RNF111: variants seen among roughly 807,000 people sequenced by gnomAD.
The protein encoded by RNF111 is ring finger protein 111.
A neutral mutation model predicts 95.1 loss-of-function variants in RNF111; 17 were observed. That is an observed-to-expected ratio of 0.18 (90% CI 0.12 to 0.27). The LOEUF (loss-of-function observed/expected upper bound fraction) is 0.27, where lower values mean the gene tolerates loss of function less well. RNF111 is among the 10% of genes least tolerant of loss of function. RNF111 has a pLI of 1.00. For synonymous variants in RNF111, 440 were observed against 414.8 expected (o/e 1.06, Z -0.74); for missense variants, 1,189 against 1,210.4 (o/e 0.98, Z 0.26).
intron 2 of RNF111, among the ~76,000 whole-genome samples, chr15:59,046,293 A>T (rs1166006033): frequency 6.6e-6 from 1 of 151,714 alleles, no homozygotes; most frequent in East Asian, 1.9e-4. Context: ...TCCAGGGCTA[A>T]GGTGATCCTC....
chr15:59,033,826 CATT>C (rs1289408987), intron 2 of RNF111, among the ~76,000 whole-genome samples: 2 of 151,974 alleles, frequency 1.3e-5, no homozygotes, highest in Admixed American at 1.3e-4. Context: ...TTTTTAACTA[CATT>C]ATTTTCAGAC....
At chr15:59,080,111 CTCCTT>C (rs2078692582) in intron 7 of RNF111, among the ~76,000 whole-genome samples, 1 of 141,690 alleles carries the variant, frequency 7.1e-6, no homozygotes, top group Admixed American at 7.4e-5. Context: ...TTCTTGTGTG[CTCCTT>C]TTTTTTTTTT....
intron 1 of RNF111, among the ~76,000 whole-genome samples, chr15:58,992,449 G>A (rs1194364166): frequency 6.6e-6 from 1 of 152,168 alleles, no homozygotes; most frequent in East Asian, 1.9e-4. Flanking sequence ...TTGTTGGGTT[G>A]GGGTGATGGG....
chr15:59,042,221 C>T (rs572285109), intron 2 of RNF111, among the ~76,000 whole-genome samples: 19 of 152,014 alleles, frequency 1.2e-4, no homozygotes, highest in African/African-American at 2.9e-4. Flanking sequence ...CAGCCTCCCA[C>T]GCTTAAGCAA....
intron 5 of RNF111, among the ~76,000 whole-genome samples, chr15:59,060,950 C>T (rs1268901025): frequency 4.0e-5 from 6 of 151,836 alleles, no homozygotes; most frequent in African/African-American, 7.3e-5. Flanking sequence ...CCACCACGTC[C>T]GGCTAATTTT....
intron 5 of RNF111, 128 bp from the exon 6 acceptor site, chr15:59,066,636 C>A (rs1163015789): frequency 1.3e-6 from 1 of 784,586 alleles, no homozygotes; most frequent in Non-Finnish European, 2.0e-6. Context: ...GGCACTATCA[C>A]ATTATTTACA....
chr15:59,003,942 C>G (rs1221128162), intron 1 of RNF111: 1 of 161,690 alleles, frequency 6.2e-6, no homozygotes, highest in African/African-American at 2.4e-5. Flanking sequence ...TATTAATAAG[C>G]TACTGTAAAA....
chr15:59,008,655 A>G lies in RNF111; in HGVS notation c.-20+20587A>G, dbSNP rs569360267. On this transcript the variant is annotated intron_variant, in intron 1 of 13. Transcript: ENST00000348370. ...CACCAATAGCCCCAGTGTTGATACA[A>G]TTGGATTTAAATCTGTCAGTTTGCT... Among the ~76,000 whole-genome samples, 12 of 152,292 alleles carry G rather than the reference A, an allele frequency of 7.9e-5. No homozygotes were observed. The South Asian group carries it at 1.2e-3, about 16-fold the overall frequency.
At chr15:59,025,764 CTT>C (rs1338558177) in intron 1 of RNF111, among the ~76,000 whole-genome samples, 2 of 149,980 alleles carry the variant, frequency 1.3e-5, no homozygotes, top group African/African-American at 2.4e-5. Flanking sequence ...GAATTTTGCT[CTT>C]GTCTCCCAGG....
chr15:59,069,293 A>G (rs1464090123), intron 6 of RNF111, among the ~76,000 whole-genome samples: 1 of 152,190 alleles, frequency 6.6e-6, no homozygotes, highest in Non-Finnish European at 1.5e-5. Flanking sequence ...GAATGAAAGG[A>G]TCTGCTTGGA....
intron 2 of RNF111, among the ~76,000 whole-genome samples, chr15:59,048,664 C>G (rs868065709): frequency 4.6e-5 from 7 of 152,052 alleles, no homozygotes; most frequent in Non-Finnish European, 7.4e-5. Flanking sequence ...TTTGTATTGA[C>G]AGGTGATAGT....
intron 4 of RNF111, 38 bp downstream of exon 4, chr15:59,055,883 A>C: frequency 2.6e-6 from 4 of 1,524,764 alleles, no homozygotes; most frequent in Non-Finnish European, 2.7e-6. Context: ...TTATGAAAGG[A>C]GTTTGATAAA....
chr15:59,068,709 C>G (rs192865346), intron 6 of RNF111, among the ~76,000 whole-genome samples: 5 of 152,008 alleles, frequency 3.3e-5, no homozygotes, highest in Non-Finnish European at 5.9e-5. Flanking sequence ...TCTATGTCAC[C>G]CGACCTTTCC....
At chr15:59,081,939 C>A (rs1265766671) in intron 8 of RNF111, among the ~76,000 whole-genome samples, 1 of 152,120 alleles carries the variant, frequency 6.6e-6, no homozygotes, top group Admixed American at 6.5e-5. Context: ...ATGAAAGGAT[C>A]GTCTGAGCCC....
chr15:59,082,099 AACTAT>A (rs1258864761), intron 8 of RNF111, among the ~76,000 whole-genome samples: 1 of 152,220 alleles, frequency 6.6e-6, no homozygotes, highest in Non-Finnish European at 1.5e-5. Flanking sequence ...CCAAAAAAGT[AACTAT>A]ACTAAATCCT....
At position 59,031,435 on chromosome 15, in the gene RNF111, A is replaced by T. The variant is rs761680125; in HGVS notation, c.613A>T (p.Ser205Cys). Residue 205 changes from serine to cysteine, a missense_variant, in exon 2 of 14, where the codon AGT becomes TGT. Ser to Cys is a moderately radical substitution (Grantham distance 112). Transcript: ENST00000348370. The part of the protein sequence containing the change: ...LLMKRPCLHG[S>C]SLRRLPCRKR... Reference sequence around the variant, plus strand: ...AATGAAAAGACCCTGTTTACATGGCAGTTCGTTACGGAGACTTCCATGCAG... The same window carrying T: ...AATGAAAAGACCCTGTTTACATGGCTGTTCGTTACGGAGACTTCCATGCAG... 6.2e-7 allele frequency: 1 copy of T among 1,614,240 alleles called. No individual in the cohort carries two copies. The highest frequency in any genetic ancestry group is 8.5e-7 in the Non-Finnish European group (1 of 1,180,042).
chr15:59,077,536 ACTT>A (rs1653761621), intron 7 of RNF111, among the ~76,000 whole-genome samples: 3 of 152,272 alleles, frequency 2.0e-5, no homozygotes, highest in East Asian at 3.9e-4. Flanking sequence ...AACATATTCT[ACTT>A]CTTGTTTTTT....
chr15:59,053,044 C>G (rs1402336357), intron 3 of RNF111, among the ~76,000 whole-genome samples: 1 of 152,100 alleles, frequency 6.6e-6, no homozygotes, highest in Admixed American at 6.6e-5. Context: ...ATAGCCCTTT[C>G]TGTTAGAATC....
At chr15:59,086,309 G>A (rs920682736) in intron 10 of RNF111, among the ~76,000 whole-genome samples, 6 of 151,898 alleles carry the variant, frequency 4.0e-5, no homozygotes, top group Admixed American at 2.6e-4. Flanking sequence ...TAATAGAGAT[G>A]GGGTTTCACC....
Sources: allele counts gnomAD v4.1 joint callset (sites outside exome capture counted in the v4.1 genomes callset), GRCh38; gene constraint gnomAD v4.1.1; transcripts MANE v1.5; gene names NCBI Gene and HGNC (gene_info 2026-07-23, HGNC 2026-07-21).